FCF1: variants seen among roughly 807,000 people sequenced by gnomAD.
FCF1 encodes rRNA-processing protein FCF1 homolog.
A neutral mutation model predicts 32.5 loss-of-function variants in FCF1; 17 were observed. That is an observed-to-expected ratio of 0.52 (90% CI 0.36 to 0.78). The LOEUF is 0.78. Among genes scored for constraint, FCF1 ranks in the 30% least tolerant of loss-of-function variants. The pLI, the probability that FCF1 is intolerant of heterozygous loss-of-function variation, is 0.00. For missense variants in FCF1, 201 were observed against 241.1 expected (o/e 0.83, Z 1.10); for synonymous variants, 84 against 78.4 (o/e 1.07, Z -0.38).
At chr14:74,721,830 G>A (rs1226984722) in intron 4 of FCF1, among the ~76,000 whole-genome samples, 1 of 151,964 alleles carries the variant, frequency 6.6e-6, no homozygotes, top group East Asian at 1.9e-4. Context: ...TTATTTCCAG[G>A]TTCTACCCAA....
chr14:74,716,436 T>C (rs2090421611), intron 4 of FCF1, among the ~76,000 whole-genome samples: 2 of 152,246 alleles, frequency 1.3e-5, no homozygotes, highest in African/African-American at 4.8e-5. Flanking sequence ...TATTCTTTTA[T>C]GTTAACAAGG....
At chr14:74,724,911 A>C (rs190353142) in intron 5 of FCF1, among the ~76,000 whole-genome samples, 1 of 152,240 alleles carries the variant, frequency 6.6e-6, no homozygotes, top group East Asian at 1.9e-4. Flanking sequence ...TCTCAAAAAA[A>C]AAAGAAAGAA....
At chr14:74,717,055 G>A (rs1345524017) in intron 4 of FCF1, among the ~76,000 whole-genome samples, 1 of 152,120 alleles carries the variant, frequency 6.6e-6, no homozygotes, top group Non-Finnish European at 1.5e-5. Flanking sequence ...GCAGCCGGGC[G>A]CAGTGGCTCA....
chr14:74,733,310 A>G (rs1167792840), intron 6 of FCF1, among the ~76,000 whole-genome samples: 1 of 152,054 alleles, frequency 6.6e-6, no homozygotes, highest in Non-Finnish European at 1.5e-5. Context: ...ATTAAGCACC[A>G]CAAGGACTTC....
chr14:74,735,073 C>A lies in FCF1; in HGVS notation c.*143C>A. 1.4e-6 allele frequency: 1 copy of A among 715,082 alleles called. No homozygotes were observed. The highest frequency in any genetic ancestry group is 2.4e-6 in the Non-Finnish European group (1 of 410,656). 44.3% of individuals were successfully genotyped at this position (715,082 alleles called of 1,614,324 possible). A position where few individuals can be genotyped will look rare whatever the true frequency, so the allele number is the denominator to read the frequency against. On this transcript the variant is annotated 3_prime_UTR_variant, in exon 8 of 8. Coordinates refer to ENST00000341162, the MANE Select transcript of FCF1 (RefSeq NM_015962.5). The stretch of plus-strand genomic sequence containing the variant: ...GATATTTATTATTTAGGTGCACCAG[C>A]CCAGTCAGATTAACATCCAAAGGAC...
At chr14:74,732,048 C>T (rs562717652) in intron 5 of FCF1, among the ~76,000 whole-genome samples, 4 of 152,256 alleles carry the variant, frequency 2.6e-5, no homozygotes, top group African/African-American at 9.6e-5. Context: ...CCAAGAGTGA[C>T]AACTGACAAA....
intron 5 of FCF1, among the ~76,000 whole-genome samples, chr14:74,729,471 C>T (rs979111240): frequency 2.6e-5 from 4 of 151,892 alleles, no homozygotes; most frequent in African/African-American, 7.3e-5. Flanking sequence ...TTTTTTATTG[C>T]GTCTATTTGA....
rs778859623 is a variant in FCF1, at chr14:74,723,324, G to GTT, written c.345_346insTT (p.Lys116LeufsTer7). ...TGGCTGAAATTGAGAAATTGGGGCA[G>GTT]AAGTATCGAGTGGCTCTAAGGTAGG... On this transcript the variant is annotated frameshift_variant, in exon 5 of 8. Coordinates refer to ENST00000341162, the MANE Select transcript of FCF1 (RefSeq NM_015962.5). LOFTEE classifies it high-confidence loss of function. 1 of 1,613,478 alleles carries GTT rather than the reference G, an allele frequency of 6.2e-7. No individual in the cohort carries two copies. Among genetic ancestry groups the GTT allele is most frequent in the South Asian group, 1.1e-5 (1 of 91,074 alleles).
rs988351744 is a variant in FCF1 at position 74,714,230 on chromosome 14, G to C, written c.72-642G>C. Among the ~76,000 whole-genome samples, 9 of 152,318 alleles carry C rather than the reference G, an allele frequency of 5.9e-5. No homozygotes were observed. In the East Asian group the frequency reaches 1.2e-3, roughly 20 times the overall value. The stretch of plus-strand genomic sequence containing the variant: ...GCACTTTGGGAGGCTGAGGCGGGTG[G>C]ATCACCTGAGGTGAGGAGTTCAAAA... On this transcript the variant is annotated intron_variant, in intron 2 of 7. Coordinates refer to ENST00000341162, the MANE Select transcript of FCF1 (RefSeq NM_015962.5).
intron 5 of FCF1, among the ~76,000 whole-genome samples, chr14:74,727,535 A>C (rs948482813): frequency 5.1e-4 from 77 of 151,660 alleles, no homozygotes; most frequent in African/African-American, 1.8e-3. Flanking sequence ...AGGTTGCGAA[A>C]ATTTTCTCCC....
chr14:74,714,095 G>A (rs1160948600), intron 2 of FCF1, among the ~76,000 whole-genome samples: 1 of 152,156 alleles, frequency 6.6e-6, no homozygotes, highest in Non-Finnish European at 1.5e-5. Context: ...GGATCAAAGC[G>A]GTGTCCCTGC....
At position 74,735,790 on chromosome 14, in the gene FCF1, T is replaced by C. The variant is rs2090700105; in HGVS notation, c.*860T>C. 1 of 152,416 alleles carries C rather than the reference T, an allele frequency of 6.6e-6. No individual in the cohort carries two copies. Among genetic ancestry groups the C allele is most frequent in the South Asian group, 2.1e-4 (1 of 4,868 alleles). 9.4% of individuals were successfully genotyped at this position (152,416 alleles called of 1,614,324 possible). On this transcript the variant is annotated 3_prime_UTR_variant, in exon 8 of 8. Transcript: ENST00000341162. ...TATTTTTAGTAGAGACAAATACTTTTGTATTTTTAATACAGAAAAGTATGC... is the reference window on the plus strand; with the variant it reads ...TATTTTTAGTAGAGACAAATACTTTCGTATTTTTAATACAGAAAAGTATGC...
At chr14:74,719,027 G>C (rs1205107898) in intron 4 of FCF1, among the ~76,000 whole-genome samples, 1 of 151,516 alleles carries the variant, frequency 6.6e-6, no homozygotes, top group Non-Finnish European at 1.5e-5. Flanking sequence ...TTACCTGTGA[G>C]GCTGAGGGAA....
At chr14:74,715,929 T>TCTTGTTTTCTTTTTC (rs767874100) in intron 3 of FCF1, 22 bp from the exon 4 acceptor site, 36 of 1,612,130 alleles carry the variant, frequency 2.2e-5, no homozygotes, top group Middle Eastern at 1.7e-4. Flanking sequence ...TTTTCTTTGT[T>TCTTGTTTTCTTTTTC]CTTGTTTTCT....
chr14:74,723,452 A>G lies in FCF1; in HGVS notation c.365+108A>G, dbSNP rs533812796. 4.0e-5 allele frequency: 32 copies of G among 792,488 alleles called. No individual in the cohort carries two copies. The South Asian group carries it at 5.4e-4, about 13-fold the overall frequency. 49.1% of individuals were successfully genotyped at this position (792,488 alleles called of 1,614,324 possible). A position where few individuals can be genotyped will look rare whatever the true frequency, so the allele number is the denominator to read the frequency against. ...TTAGTTGTGAAAATCATACAAAACT[A>G]TTTATCATTTTTGGGGGGGTTGTTT... On this transcript the variant is annotated intron_variant, in intron 5 of 7. Coordinates refer to ENST00000341162, the MANE Select transcript of FCF1 (RefSeq NM_015962.5).
intron 4 of FCF1, among the ~76,000 whole-genome samples, chr14:74,718,460 A>G (rs974991641): frequency 2.0e-5 from 3 of 151,876 alleles, no homozygotes; most frequent in Admixed American, 2.0e-4. Context: ...GCCTTGTTTC[A>G]TGATCTCAGT....
At chr14:74,719,318 A>G (rs2090467459) in intron 4 of FCF1, among the ~76,000 whole-genome samples, 2 of 150,402 alleles carry the variant, frequency 1.3e-5, no homozygotes, top group African/African-American at 4.9e-5. Flanking sequence ...AAGAAGAAGA[A>G]GAAGAAAAGA....
At chr14:74,719,527 A>G (rs974674417) in intron 4 of FCF1, among the ~76,000 whole-genome samples, 4 of 151,924 alleles carry the variant, frequency 2.6e-5, no homozygotes, top group Non-Finnish European at 5.9e-5. Context: ...TTGGGAGGCC[A>G]AGGTGGGTGG....
Position 74,723,282 on chromosome 14 carries a change from T to C in FCF1, c.303T>C (p.Cys101=). Reference sequence around the variant, plus strand: ...TTTTTTCCCTGGCAGGTATCCCATGTATAACCGATTGTGTAATGGCTGAAA... The same window carrying C: ...TTTTTTCCCTGGCAGGTATCCCATGCATAACCGATTGTGTAATGGCTGAAA... The part of the protein sequence containing the change: ...MDCLYAKCIP[C]ITDCVMAEIE... Residue 101 remains cysteine (C), a synonymous_variant, in exon 5 of 8, where the codon TGT becomes TGC. Coordinates refer to ENST00000341162, the MANE Select transcript of FCF1 (RefSeq NM_015962.5). 6.2e-7 allele frequency: 1 copy of C among 1,613,220 alleles called. No individual in the cohort carries two copies. Among genetic ancestry groups the C allele is most frequent in the Non-Finnish European group, 8.5e-7 (1 of 1,179,332 alleles).
Sources: allele counts gnomAD v4.1 joint callset (sites outside exome capture counted in the v4.1 genomes callset), GRCh38; gene constraint gnomAD v4.1.1; transcripts MANE v1.5; gene names NCBI Gene and HGNC (gene_info 2026-07-23, HGNC 2026-07-21).